PARD6G: variants seen among roughly 807,000 people sequenced by gnomAD.
PARD6G encodes the protein partitioning defective 6 homolog gamma.
Under a neutral mutation model 10.7 loss-of-function variants are expected in PARD6G, and 7 were observed. The observed-to-expected ratio is 0.66, with a 90% confidence interval of 0.37 to 1.23. The LOEUF is 1.23. PARD6G is among the 50% of genes most tolerant of loss of function. The pLI, the probability that PARD6G is intolerant of heterozygous loss-of-function variation, is 0.02. For missense variants in PARD6G, 548 were observed against 571.8 expected (o/e 0.96, Z 0.42); for synonymous variants, 287 against 269.4 (o/e 1.07, Z -0.64).
chr18:80,243,104 A>G (rs972882042), intron 1 of PARD6G, among the ~76,000 whole-genome samples: 7 of 152,180 alleles, frequency 4.6e-5, no homozygotes, highest in African/African-American at 1.4e-4. Flanking sequence ...AATATAATCA[A>G]TAATCTTTAC....
Position 80,199,666 on chromosome 18 carries a change from G to A in PARD6G, c.295+3044C>T, listed in dbSNP as rs574922521. On this transcript the variant is annotated intron_variant, in intron 2 of 2. Transcript: ENST00000353265. ...ATTAATTTTTCTTTTTTTCTGAGAC[G>A]GAGTTTCGCTCTGTCACCCAGGCTG... Among the ~76,000 whole-genome samples the A allele has an allele frequency of 1.3e-4, 20 of 152,196 alleles. No homozygotes were observed. The South Asian group carries it at 1.7e-3, about 13-fold the overall frequency.
At chr18:80,236,244 C>T (rs1027162901) in intron 1 of PARD6G, among the ~76,000 whole-genome samples, 8 of 152,168 alleles carry the variant, frequency 5.3e-5, no homozygotes, top group African/African-American at 1.9e-4. Context: ...GAACCAACGA[C>T]AAAAACCACA....
chr18:80,198,746 T>C (rs1966981344), intron 2 of PARD6G, among the ~76,000 whole-genome samples: 1 of 152,194 alleles, frequency 6.6e-6, no homozygotes, highest in African/African-American at 2.4e-5. Flanking sequence ...AGTATTCACA[T>C]ATGGAGAATG....
intron 1 of PARD6G, among the ~76,000 whole-genome samples, chr18:80,211,589 T>C (rs1967108513): frequency 6.6e-6 from 1 of 152,192 alleles, no homozygotes; most frequent in Non-Finnish European, 1.5e-5. Context: ...GAAGGTGGAA[T>C]CTGGAGGAGA....
chr18:80,226,151 G>GTTTTTTTTTTTTTTT (rs10606939), intron 1 of PARD6G, among the ~76,000 whole-genome samples: 1 of 76,570 alleles, frequency 1.3e-5, no homozygotes, highest in African/African-American at 5.4e-5. Context: ...AATGACTTCA[G>GTTTTTTTTTTTTTTT]TTTTTTTTTT....
At position 80,160,620 on chromosome 18, in the gene PARD6G, G is replaced by C. The variant is rs1031551065; in HGVS notation, c.296-14C>G. 48 of 1,437,658 alleles carry C rather than the reference G, an allele frequency of 3.3e-5. No individual in the cohort carries two copies. In the African/African-American group the frequency reaches 4.9e-4, roughly 15 times the overall value. The allele number at this position is 1,437,658 out of a possible 1,614,324, so 89.1% of individuals were successfully genotyped here. ...GCTCGGCCTCCTCTGCGGGAGAGGG[G>C]ACAGTTAGAGGGGACACACAACCGA... On this transcript the variant is annotated splice_polypyrimidine_tract_variant and intron_variant, in intron 2 of 2. Coordinates refer to ENST00000353265, the MANE Select transcript of PARD6G (RefSeq NM_032510.4).
Position 80,159,505 on chromosome 18 carries a change from C to G in PARD6G, c.*266G>C. 1 of 400,924 alleles carries G rather than the reference C, an allele frequency of 2.5e-6. No individual in the cohort carries two copies. Among genetic ancestry groups the G allele is most frequent in the South Asian group, 1.3e-4 (1 of 7,446 alleles). 24.8% of individuals were successfully genotyped at this position (400,924 alleles called of 1,614,324 possible). A position where few individuals can be genotyped will look rare whatever the true frequency, so the allele number is the denominator to read the frequency against. ...TAAAAAGCATTTTTTTGCACTTGGT[C>G]AGATCTTTTCTATCACTTTGCAAAG... On this transcript the variant is annotated 3_prime_UTR_variant, in exon 3 of 3. Coordinates refer to ENST00000353265, the MANE Select transcript of PARD6G (RefSeq NM_032510.4).
rs2052675295 is a variant in PARD6G at position 80,159,011 on chromosome 18, C to CA, written c.*759dup. 1.3e-5 allele frequency: 2 copies of CA among 149,816 alleles called. No individual in the cohort carries two copies. Among genetic ancestry groups the CA allele is most frequent in the South Asian group, 4.3e-4 (2 of 4,682 alleles). 9.3% of individuals were successfully genotyped at this position (149,816 alleles called of 1,614,324 possible). On this transcript the variant is annotated 3_prime_UTR_variant, in exon 3 of 3. Transcript: ENST00000353265. ...GGTGTATTTTTTTTTTTTCCCGAGACAGAGTCTTGCTCTGTCACCCAGGCT... is the reference window on the plus strand; with the variant it reads ...GGTGTATTTTTTTTTTTTCCCGAGACAAGAGTCTTGCTCTGTCACCCAGGCT...
rs779842911 is a variant in PARD6G at position 80,160,467 on chromosome 18, G to A, written c.435C>T (p.Ser145=). The A allele has an allele frequency of 6.4e-7, 1 of 1,568,648 alleles. No homozygotes were observed. Among genetic ancestry groups the A allele is most frequent in the Non-Finnish European group, 8.6e-7 (1 of 1,157,070 alleles). The change falls in exon 3 of 3, where the codon TCC becomes TCT. Residue 145 remains serine, a synonymous_variant. Transcript: ENST00000353265. ...CGGGGACCAGGTCCACATCGATGAT[G>A]GATGATACGGGGCGGAAGTCGCGCG... ...GLPRDFRPVS[S]IIDVDLVPET...
chr18:80,224,191 T>C (rs574479373), intron 1 of PARD6G, among the ~76,000 whole-genome samples: 2 of 152,214 alleles, frequency 1.3e-5, no homozygotes, highest in South Asian at 4.1e-4. Flanking sequence ...TCAACTTCTA[T>C]ACTGAAGGAT....
At chr18:80,198,192 C>T (rs920289457) in intron 2 of PARD6G, among the ~76,000 whole-genome samples, 1 of 152,216 alleles carries the variant, frequency 6.6e-6, no homozygotes, top group Non-Finnish European at 1.5e-5. Flanking sequence ...CCTGGCCTGT[C>T]GTCTGAGCCT....
rs201654885 is a variant in PARD6G, at chr18:80,160,143, G to A, written c.759C>T (p.Arg253=). The change falls in exon 3 of 3, where the codon CGC becomes CGT. Residue 253 remains arginine, a synonymous_variant. Transcript: ENST00000353265. ...LIVTVKPANQ[R]NNVVRGGRAL... ...CGCGGCCGCCGCGCACCACGTTGTT[G>A]CGCTGGTTGGCGGGCTTGACGGTGA... The A allele has an allele frequency of 6.2e-7, 1 of 1,613,154 alleles. No individual in the cohort carries two copies. Among genetic ancestry groups the A allele is most frequent in the Admixed American group, 1.7e-5 (1 of 59,994 alleles).
chr18:80,183,257 G>A lies in PARD6G; in HGVS notation c.295+19453C>T. 4.3e-6 allele frequency: 3 copies of A among 694,500 alleles called. No individual in the cohort carries two copies. In the South Asian group the frequency reaches 4.5e-5, roughly 10 times the overall value. The allele number at this position is 694,500 out of a possible 1,614,324, so 43.0% of individuals were successfully genotyped here. ...ACAAGCTGCAGATAGGCATGGAGAA[G>A]AGCAAAGCCGCATACAGGCATAGTG... On this transcript the variant is annotated intron_variant, in intron 2 of 2. Transcript: ENST00000353265. The surrounding 1 kb of genome is among the most constrained non-coding windows in gnomAD (Gnocchi z 4.5).
rs1229982459 is a variant in PARD6G at position 80,228,392 on chromosome 18, T to A, written c.72+18885A>T. ...ACAAGGCCACCCAGGTCCCTCTACATTGACCCCCAGCCTCCTCAATCAGCT... is the reference window on the plus strand; with the variant it reads ...ACAAGGCCACCCAGGTCCCTCTACAATGACCCCCAGCCTCCTCAATCAGCT... On this transcript the variant is annotated intron_variant, in intron 1 of 2. Coordinates refer to ENST00000353265, the MANE Select transcript of PARD6G (RefSeq NM_032510.4). This position sits in a 1 kb window ranked among gnomAD's most constrained non-coding sequence, Gnocchi z 4.6. Among the ~76,000 whole-genome samples the A allele has an allele frequency of 1.3e-5, 2 of 152,072 alleles. No homozygotes were observed. Among genetic ancestry groups the A allele is most frequent in the Non-Finnish European group, 2.9e-5 (2 of 67,990 alleles).
intron 2 of PARD6G, among the ~76,000 whole-genome samples, chr18:80,177,758 C>T (rs1340091700): frequency 6.6e-6 from 1 of 151,628 alleles, no homozygotes; most frequent in African/African-American, 2.4e-5. Context: ...ATGGGAAGCA[C>T]ACGCACCCAC....
chr18:80,221,055 T>C (rs1311957950), intron 1 of PARD6G, among the ~76,000 whole-genome samples: 2 of 152,156 alleles, frequency 1.3e-5, no homozygotes, highest in East Asian at 3.8e-4. Flanking sequence ...AACAAGATAT[T>C]GAATTATCTC....
chr18:80,199,719 T>C (rs1011251283), intron 2 of PARD6G, among the ~76,000 whole-genome samples: 2 of 152,216 alleles, frequency 1.3e-5, no homozygotes, highest in African/African-American at 4.8e-5. Flanking sequence ...CTTGGCTCAC[T>C]GCAACCTCTG....
rs1160098725 is a variant in PARD6G, at chr18:80,159,725, T to G, written c.*46A>C. 1.5e-6 allele frequency: 2 copies of G among 1,358,342 alleles called. No individual in the cohort carries two copies. The highest frequency in any genetic ancestry group is 6.2e-5 in the East Asian group (2 of 32,294). The allele number at this position is 1,358,342 out of a possible 1,614,324, so 84.1% of individuals were successfully genotyped here. ...ATGCAGTCTGCAGGTCCTGTCCCTG[T>G]CCTTACCGGGGAACTGGAGCTAGGA... On this transcript the variant is annotated 3_prime_UTR_variant, in exon 3 of 3. Transcript: ENST00000353265.
Position 80,158,214 on chromosome 18 carries a change from AAGTG to A in PARD6G, c.*1553_*1556del, listed in dbSNP as rs1310146763. ...GTTCCACGTGACTTCTTATAGTTAA[AAGTG>A]AGAACTGCCAGTGACCATTCTAGAA... is the stretch of plus-strand genomic sequence containing the variant. On this transcript the variant is annotated 3_prime_UTR_variant, in exon 3 of 3. Transcript: ENST00000353265. 6.6e-6 allele frequency: 1 copy of A among 152,260 alleles called. No individual in the cohort carries two copies. The highest frequency in any genetic ancestry group is 1.5e-5 in the Non-Finnish European group (1 of 68,046). The allele number at this position is 152,260 out of a possible 1,614,324, so 9.4% of individuals were successfully genotyped here.
Sources: allele counts gnomAD v4.1 joint callset (sites outside exome capture counted in the v4.1 genomes callset), GRCh38; gene constraint gnomAD v4.1.1; non-coding constraint Gnocchi (gnomAD v3.1); transcripts MANE v1.5; gene names NCBI Gene and HGNC (gene_info 2026-07-23, HGNC 2026-07-21).